The following KCNK10 variants were observed in gnomAD, a reference collection of about 807,000 sequenced individuals.
KCNK10 encodes the protein potassium two pore domain channel subfamily K member 10, also known as potassium channel subfamily K member 10.
KCNK10 carries 25 observed loss-of-function variants against 47.7 expected under a neutral mutation model. The ratio of observed to expected loss-of-function variants is 0.52; its 90% CI spans 0.38 to 0.73. The LOEUF (loss-of-function observed/expected upper bound fraction) is 0.73, where lower values mean the gene tolerates loss of function less well. Among genes scored for constraint, KCNK10 ranks in the 30% least tolerant of loss-of-function variants. KCNK10 has a pLI of 0.00. For missense variants in KCNK10, 563 were observed against 714.5 expected, an observed-to-expected ratio of 0.79 and a Z score of 2.42; for synonymous variants, 303 against 285.6, an observed-to-expected ratio of 1.06 and a Z score of -0.61.
At chr14:88,293,493 C>T (rs531221633) in intron 1 of KCNK10, among the ~76,000 whole-genome samples, 1 of 152,296 alleles carries the variant, frequency 6.6e-6, no homozygotes, top group East Asian at 1.9e-4. Context: ...TCCTTACCAT[C>T]TTCAACATGT....
chr14:88,291,039 T>C (rs141904360), intron 1 of KCNK10, among the ~76,000 whole-genome samples: 12 of 152,350 alleles, frequency 7.9e-5, no homozygotes, highest in African/African-American at 2.9e-4. Flanking sequence ...GGGCAGCACC[T>C]GGACTATTTT....
chr14:88,269,631 C>T (rs544937015), intron 1 of KCNK10, among the ~76,000 whole-genome samples: 6 of 152,222 alleles, frequency 3.9e-5, no homozygotes, highest in Admixed American at 1.3e-4. Flanking sequence ...GCGATGGGGT[C>T]TCACTACATT....
upstream of KCNK10, among the ~76,000 whole-genome samples, chr14:88,324,529 A>G (rs1036935669): frequency 5.3e-5 from 8 of 152,218 alleles, no homozygotes; most frequent in African/African-American, 1.9e-4. Context: ...TTCAACATAT[A>G]TATTGAACCC....
At position 88,246,136 on chromosome 14, in the gene KCNK10, G is replaced by A. The variant is rs1297057042; in HGVS notation, c.403-5316C>T. ...CGTGTTAGCCAGGATGGTGGCGGGC[G>A]CCTGTAGTCCCAGCTACTCGGGAGG... is the stretch of plus-strand genomic sequence containing the variant. On this transcript the variant is annotated intron_variant, in intron 2 of 6. Coordinates refer to ENST00000319231, the MANE Select transcript of KCNK10 (RefSeq NM_138317.3). Among the ~76,000 whole-genome samples the A allele has an allele frequency of 3.9e-5, 6 of 151,916 alleles. No homozygotes were observed. The South Asian group carries it at 6.2e-4, about 16-fold the overall frequency.
chr14:88,295,096 G>A (rs1429502278), intron 1 of KCNK10, among the ~76,000 whole-genome samples: 1 of 152,218 alleles, frequency 6.6e-6, no homozygotes, highest in Admixed American at 6.5e-5. Flanking sequence ...ATGATGACAA[G>A]TACAGCCGTG....
chr14:88,270,489 C>T (rs1044736385), intron 1 of KCNK10, among the ~76,000 whole-genome samples: 1 of 152,168 alleles, frequency 6.6e-6, no homozygotes, highest in Non-Finnish European at 1.5e-5. Flanking sequence ...AGAGAGCAAG[C>T]CATGGTCCCA....
At chr14:88,250,669 T>C (rs1886768689) in intron 2 of KCNK10, among the ~76,000 whole-genome samples, 1 of 152,186 alleles carries the variant, frequency 6.6e-6, no homozygotes, top group African/African-American at 2.4e-5. Context: ...GGGAAATACG[T>C]AAAGCTTCGA....
intron 1 of KCNK10, among the ~76,000 whole-genome samples, chr14:88,271,643 A>G (rs1887408309): frequency 6.6e-6 from 1 of 152,140 alleles, no homozygotes; most frequent in Non-Finnish European, 1.5e-5. Flanking sequence ...ATTGAATGGC[A>G]TGAGTCACAC....
chr14:88,240,903 A>C, intron 2 of KCNK10, 83 bp from the exon 3 acceptor site: 1 of 832,744 alleles, frequency 1.2e-6, no homozygotes. Flanking sequence ...AGGTTCCAAT[A>C]CATTATTCCC....
chr14:88,202,377 A>G (rs1885129814), intron 4 of KCNK10, among the ~76,000 whole-genome samples: 2 of 152,208 alleles, frequency 1.3e-5, no homozygotes, highest in African/African-American at 4.8e-5. Flanking sequence ...TTGGTGAAAG[A>G]CAGAGACCTC....
intron 5 of KCNK10, among the ~76,000 whole-genome samples, chr14:88,188,312 C>T (rs1884639316): frequency 6.6e-6 from 1 of 152,166 alleles, no homozygotes; most frequent in South Asian, 2.1e-4. Context: ...TAAGGCTTTA[C>T]TTCCCTCGAT....
At chr14:88,245,156 CA>C (rs1341146108) in intron 2 of KCNK10, among the ~76,000 whole-genome samples, 10 of 152,076 alleles carry the variant, frequency 6.6e-5, no homozygotes, top group African/African-American at 2.4e-4. Flanking sequence ...ATTATCTTCC[CA>C]GAGGTGTGAG....
At chr14:88,204,481 C>A (rs1393051218) in intron 4 of KCNK10, among the ~76,000 whole-genome samples, 1 of 152,094 alleles carries the variant, frequency 6.6e-6, no homozygotes, top group African/African-American at 2.4e-5. Flanking sequence ...AGAAATGCAT[C>A]CTGCCTGCTG....
At chr14:88,209,851 T>C (rs1272736855) in intron 4 of KCNK10, among the ~76,000 whole-genome samples, 1 of 152,180 alleles carries the variant, frequency 6.6e-6, no homozygotes, top group South Asian at 2.1e-4. Flanking sequence ...AAATATTTAC[T>C]GAACACCTCC....
chr14:88,188,649 C>T (rs531383801), intron 5 of KCNK10, among the ~76,000 whole-genome samples: 18 of 152,262 alleles, frequency 1.2e-4, no homozygotes, highest in African/African-American at 3.9e-4. Context: ...TGATTTAATG[C>T]TAACTGAGGA....
At chr14:88,292,696 G>A (rs1376323777) in intron 1 of KCNK10, among the ~76,000 whole-genome samples, 2 of 152,074 alleles carry the variant, frequency 1.3e-5, no homozygotes, top group Non-Finnish European at 2.9e-5. Context: ...GCAGTGGCAC[G>A]ATCTCTGCTC....
intron 5 of KCNK10, 46 bp from the exon 6 acceptor site, chr14:88,188,155 C>G: frequency 6.3e-7 from 1 of 1,597,334 alleles, no homozygotes; most frequent in Non-Finnish European, 8.6e-7. Context: ...AGCATATGGT[C>G]TTTGCAGAGA....
intron 1 of KCNK10, among the ~76,000 whole-genome samples, chr14:88,272,377 G>T (rs541538115): frequency 6.6e-6 from 1 of 152,136 alleles, no homozygotes; most frequent in Non-Finnish European, 1.5e-5. Flanking sequence ...CAGTGCCACC[G>T]AAGAGGAGAC....
At chr14:88,303,410 G>A (rs1428470861) in intron 1 of KCNK10, among the ~76,000 whole-genome samples, 1 of 152,144 alleles carries the variant, frequency 6.6e-6, no homozygotes, top group Non-Finnish European at 1.5e-5. Context: ...CCATAAAGTG[G>A]TGGTGGCTTG....
Sources: allele counts gnomAD v4.1 joint callset (sites outside exome capture counted in the v4.1 genomes callset), GRCh38; gene constraint gnomAD v4.1.1; transcripts MANE v1.5; gene names NCBI Gene and HGNC (gene_info 2026-07-23, HGNC 2026-07-21).